PLD1: variants seen among roughly 807,000 people sequenced by gnomAD.
PLD1 encodes the protein choline phosphatase 1.
A neutral mutation model predicts 137.1 loss-of-function variants in PLD1; 112 were observed. The ratio of observed to expected loss-of-function variants is 0.82; its 90% CI spans 0.70 to 0.96. The LOEUF (loss-of-function observed/expected upper bound fraction) is 0.96, where lower values mean the gene tolerates loss of function less well. Among genes scored for constraint, PLD1 ranks in the 40% least tolerant of loss-of-function variants. PLD1 has a pLI of 0.00. For synonymous variants in PLD1, 431 were observed against 454.7 expected (o/e 0.95, Z 0.66); for missense variants, 1,321 against 1,342.0 (o/e 0.98, Z 0.24).
chr3:171,628,892 C>G (rs1185104604), intron 23 of PLD1, among the ~76,000 whole-genome samples: 1 of 151,486 alleles, frequency 6.6e-6, no homozygotes, highest in African/African-American at 2.4e-5. Flanking sequence ...ATGACAAACC[C>G]ACAGCCAATA....
chr3:171,636,502 T>G (rs556198821), intron 23 of PLD1, among the ~76,000 whole-genome samples: 86 of 152,268 alleles, frequency 5.6e-4, no homozygotes, highest in Non-Finnish European at 1.0e-3. Context: ...TTAAATTTAT[T>G]CCTAAATATT....
intron 11 of PLD1, among the ~76,000 whole-genome samples, chr3:171,700,728 G>C (rs1046805674): frequency 6.6e-6 from 1 of 152,188 alleles, no homozygotes; most frequent in African/African-American, 2.4e-5. Context: ...GGACAGGGGA[G>C]AAGGAAGGTC....
At chr3:171,725,506 C>T (rs571644650) in intron 7 of PLD1, among the ~76,000 whole-genome samples, 11 of 152,158 alleles carry the variant, frequency 7.2e-5, no homozygotes, top group Admixed American at 2.6e-4. Context: ...TTAAAAAAAA[C>T]TTTTTTTGAA....
At chr3:171,661,533 T>C (rs73176165) in intron 20 of PLD1, among the ~76,000 whole-genome samples, 86 of 152,312 alleles carry the variant, frequency 5.6e-4, no homozygotes, top group South Asian at 1.7e-3. Context: ...GAAAAAAAGC[T>C]TCCTAATCAA....
chr3:171,603,358 C>T (rs1233223706), intron 26 of PLD1, 56 bp from the exon 27 acceptor site: 3 of 1,191,174 alleles, frequency 2.5e-6, no homozygotes, highest in Non-Finnish European at 3.7e-6. Context: ...AGCACATGGC[C>T]TTTATGGAAA....
chr3:171,671,058 AC>A (rs1219967092), intron 19 of PLD1, among the ~76,000 whole-genome samples: 1 of 152,230 alleles, frequency 6.6e-6, no homozygotes, highest in Non-Finnish European at 1.5e-5. Flanking sequence ...CTTTCAGATG[AC>A]AAAACTGGGC....
At chr3:171,742,441 A>G (rs529219973) in intron 1 of PLD1, among the ~76,000 whole-genome samples, 66 of 152,312 alleles carry the variant, frequency 4.3e-4, no homozygotes, top group African/African-American at 1.5e-3. Context: ...CACTCTATGA[A>G]CATAGTTACG....
At chr3:171,754,277 C>T (rs1211022696) in intron 1 of PLD1, among the ~76,000 whole-genome samples, 1 of 152,192 alleles carries the variant, frequency 6.6e-6, no homozygotes, top group Admixed American at 6.5e-5. Context: ...CTTAGAACTG[C>T]TCACAGTTTG....
intron 21 of PLD1, among the ~76,000 whole-genome samples, 183 bp from the exon 22 acceptor site, chr3:171,645,206 G>C (rs1221806714): frequency 1.3e-5 from 2 of 152,168 alleles, no homozygotes; most frequent in African/African-American, 4.8e-5. Flanking sequence ...CTGTCATCCA[G>C]GCTATCGCTT....
At chr3:171,790,882 A>C (rs1560305101) in intron 1 of PLD1, among the ~76,000 whole-genome samples, 1 of 152,206 alleles carries the variant, frequency 6.6e-6, no homozygotes, top group Non-Finnish European at 1.5e-5. Flanking sequence ...CTTGTAGTGA[A>C]ACACAATTCC....
intron 13 of PLD1, among the ~76,000 whole-genome samples, chr3:171,690,603 C>T: frequency 6.6e-6 from 1 of 152,084 alleles, no homozygotes; most frequent in Non-Finnish European, 1.5e-5. Context: ...TTTATCATTG[C>T]TTGTTTAACA....
intron 23 of PLD1, among the ~76,000 whole-genome samples, chr3:171,627,873 A>G (rs932974229): frequency 3.3e-5 from 5 of 152,278 alleles, no homozygotes; most frequent in African/African-American, 1.2e-4. Flanking sequence ...GTGTAGAGGG[A>G]AATTTATAGC....
intron 12 of PLD1, among the ~76,000 whole-genome samples, chr3:171,692,753 T>G (rs1302319916): frequency 6.6e-6 from 1 of 152,082 alleles, no homozygotes; most frequent in Non-Finnish European, 1.5e-5. Flanking sequence ...ATTCCTGACC[T>G]CAAGTGATCC....
At chr3:171,627,521 T>G (rs1041330349) in intron 23 of PLD1, among the ~76,000 whole-genome samples, 1 of 150,744 alleles carries the variant, frequency 6.6e-6, no homozygotes, top group South Asian at 2.1e-4. Flanking sequence ...AATAGACATC[T>G]ACAGAACTCT....
chr3:171,639,626 AT>A (rs1160060909), intron 23 of PLD1, among the ~76,000 whole-genome samples: 3 of 70,912 alleles, frequency 4.2e-5, no homozygotes, highest in African/African-American at 2.8e-4. Context: ...TATAATATAT[AT>A]TCTATATAAT....
intron 1 of PLD1, among the ~76,000 whole-genome samples, chr3:171,779,305 G>A (rs1253561147): frequency 1.8e-4 from 27 of 152,190 alleles, no homozygotes; most frequent in Admixed American, 1.6e-3. Flanking sequence ...TCAGATCTAG[G>A]ATCTACTGTG....
Position 171,688,862 on chromosome 3 carries a change from C to G in PLD1, c.1353G>C (p.Pro451=). The change falls in exon 14 of 27, where the codon CCG becomes CCC. Residue 451 remains proline, a synonymous_variant. Transcript: ENST00000351298. ...LHPNIKVMRH[P]DHVSSTVYLW... ...AATAGACGGTGGATGACACATGATC[C>G]GGGTGTCTCATCACCTTGAGAGGGA... 6.2e-7 allele frequency: 1 copy of G among 1,613,558 alleles called. No homozygotes were observed.
At chr3:171,732,378 T>C (rs192508818) in intron 6 of PLD1, among the ~76,000 whole-genome samples, 3 of 152,224 alleles carry the variant, frequency 2.0e-5, no homozygotes, top group African/African-American at 7.2e-5. Context: ...CTCAAGTCCA[T>C]TGAATGCCCC....
chr3:171,623,316 T>C (rs1223836482), intron 23 of PLD1, among the ~76,000 whole-genome samples: 33 of 147,986 alleles, frequency 2.2e-4, no homozygotes. Flanking sequence ...TATCAGACTT[T>C]TTTTTTTTTT....
Sources: gnomAD v4.1 joint callset for allele counts (sites outside exome capture counted in the v4.1 genomes callset) on GRCh38, gnomAD v4.1.1 for gene constraint, MANE v1.5 for transcripts, NCBI Gene and HGNC (gene_info 2026-07-23, HGNC 2026-07-21) for gene names.